The following DGKI variants were observed in gnomAD, a reference collection of about 807,000 sequenced individuals.
DGKI encodes diacylglycerol kinase iota.
A neutral mutation model predicts 147.5 loss-of-function variants in DGKI; 55 were observed. The observed-to-expected ratio is 0.37, with a 90% CI of 0.30 to 0.47. The LOEUF (loss-of-function observed/expected upper bound fraction) is 0.47. Among genes scored for constraint, DGKI ranks in the 20% least tolerant of loss-of-function variants. The pLI is 1.00. For missense variants in DGKI, 1,007 were observed against 1,323.8 expected (o/e 0.76, Z 3.71); for synonymous variants, 469 against 477.1 (o/e 0.98, Z 0.22).
At chr7:137,716,470 C>T (rs926861347) in intron 1 of DGKI, among the ~76,000 whole-genome samples, 2 of 152,148 alleles carry the variant, frequency 1.3e-5, no homozygotes, top group Non-Finnish European at 2.9e-5. Flanking sequence ...AGAAGACAGC[C>T]GGATCCAGAA....
intron 3 of DGKI, among the ~76,000 whole-genome samples, chr7:137,659,202 T>C (rs1302739656): frequency 6.6e-6 from 1 of 152,198 alleles, no homozygotes; most frequent in Admixed American, 6.5e-5. Context: ...GCTTTTAATC[T>C]GAGAAATCAG....
At chr7:137,601,020 C>T (rs1174885034) in intron 10 of DGKI, among the ~76,000 whole-genome samples, 1 of 152,072 alleles carries the variant, frequency 6.6e-6, no homozygotes, top group African/African-American at 2.4e-5. Context: ...GCCTGTAATC[C>T]CAGCACCTTG....
intron 20 of DGKI, among the ~76,000 whole-genome samples, chr7:137,545,269 G>A (rs1267153416): frequency 2.6e-5 from 4 of 152,124 alleles, no homozygotes; most frequent in Admixed American, 2.0e-4. Context: ...ATGTGATATG[G>A]AGAAAACAAA....
chr7:137,502,568 G>A (rs1049329421), intron 21 of DGKI, among the ~76,000 whole-genome samples: 4 of 150,620 alleles, frequency 2.7e-5, no homozygotes, highest in Admixed American at 6.6e-5. Context: ...GGAAGGGAGG[G>A]CAAGGAGGAA....
chr7:137,431,507 T>C (rs754193285), intron 28 of DGKI, among the ~76,000 whole-genome samples: 6 of 152,164 alleles, frequency 3.9e-5, no homozygotes, highest in Non-Finnish European at 7.4e-5. Context: ...TTAGTGTTTT[T>C]CAAAAAGTGG....
At chr7:137,441,521 C>T (rs1430481161) in intron 28 of DGKI, among the ~76,000 whole-genome samples, 1 of 151,610 alleles carries the variant, frequency 6.6e-6, no homozygotes, top group Non-Finnish European at 1.5e-5. Context: ...TGATTAGCTC[C>T]ATTTTACAGA....
At chr7:137,842,004 T>C (rs970159909) in intron 1 of DGKI, among the ~76,000 whole-genome samples, 1 of 152,216 alleles carries the variant, frequency 6.6e-6, no homozygotes, top group Non-Finnish European at 1.5e-5. Context: ...GTGGTTGAAT[T>C]GAAATCTTGC....
chr7:137,468,612 T>A (rs1245974549), intron 24 of DGKI, among the ~76,000 whole-genome samples: 1 of 152,152 alleles, frequency 6.6e-6, no homozygotes, highest in African/African-American at 2.4e-5. Context: ...ACTAGAAAAA[T>A]ATATATATGG....
At chr7:137,395,289 TC>T (rs1811507942) in intron 32 of DGKI, among the ~76,000 whole-genome samples, 1 of 152,158 alleles carries the variant, frequency 6.6e-6, no homozygotes, top group South Asian at 2.1e-4. Context: ...CTGACCCCTC[TC>T]CTTGGGCTTC....
At chr7:137,508,694 G>T (rs1032868283) in intron 21 of DGKI, among the ~76,000 whole-genome samples, 1 of 152,062 alleles carries the variant, frequency 6.6e-6, no homozygotes, top group Non-Finnish European at 1.5e-5. Flanking sequence ...CCAGGAGCTA[G>T]AAGTCATTTT....
intron 19 of DGKI, among the ~76,000 whole-genome samples, chr7:137,558,985 A>G (rs1438929369): frequency 1.4e-5 from 2 of 147,628 alleles, no homozygotes; most frequent in East Asian, 4.0e-4. Flanking sequence ...GTTTCCTCAT[A>G]TGTAAAGTGA....
At chr7:137,689,764 T>C in intron 2 of DGKI, 130 bp downstream of exon 2, 1 of 530,058 alleles carries the variant, frequency 1.9e-6, no homozygotes, top group Non-Finnish European at 3.2e-6. Context: ...AGCTAAGGTA[T>C]CTGAGGACAG....
chr7:137,427,807 T>C (rs1312118742), intron 28 of DGKI, among the ~76,000 whole-genome samples: 8 of 152,174 alleles, frequency 5.3e-5, no homozygotes, highest in African/African-American at 1.9e-4. Flanking sequence ...CTAGAAGAAA[T>C]GGACAAATTC....
chr7:137,428,982 G>T (rs1367048428), intron 28 of DGKI, among the ~76,000 whole-genome samples: 3 of 151,976 alleles, frequency 2.0e-5, no homozygotes, highest in Admixed American at 2.0e-4. Flanking sequence ...ACTGCCCAAG[G>T]TAATTTATAG....
chr7:137,411,167 C>T (rs1488068876), intron 29 of DGKI, among the ~76,000 whole-genome samples: 1 of 152,216 alleles, frequency 6.6e-6, no homozygotes, highest in East Asian at 1.9e-4. Flanking sequence ...CCTCACTCCA[C>T]AGGCTGAGGA....
intron 1 of DGKI, among the ~76,000 whole-genome samples, chr7:137,767,528 A>AAGAGAAGAGAAGAGT (rs1563188462): frequency 7.2e-5 from 10 of 139,268 alleles, no homozygotes; most frequent in Non-Finnish European, 1.3e-4. Context: ...AAGAGAAGAG[A>AAGAGAAGAGAAGAGT]AGAGTAGAGT....
chr7:137,413,062 G>A (rs1169662955), intron 28 of DGKI, among the ~76,000 whole-genome samples: 1 of 152,056 alleles, frequency 6.6e-6, no homozygotes, highest in Non-Finnish European at 1.5e-5. Context: ...TTGAGGTCAG[G>A]AGTTCAAGAC....
At chr7:137,805,296 A>G (rs1401803857) in intron 1 of DGKI, among the ~76,000 whole-genome samples, 1 of 152,224 alleles carries the variant, frequency 6.6e-6, no homozygotes, top group Non-Finnish European at 1.5e-5. Context: ...TGAGCATGAC[A>G]GTGTTCTCCT....
At chr7:137,596,983 A>C (rs530673172) in intron 12 of DGKI, among the ~76,000 whole-genome samples, 2 of 152,336 alleles carry the variant, frequency 1.3e-5, no homozygotes, top group South Asian at 4.1e-4. Flanking sequence ...AACACAATCT[A>C]AATGTCATGA....
Sources: gnomAD v4.1 joint callset for allele counts (sites outside exome capture counted in the v4.1 genomes callset) on GRCh38, gnomAD v4.1.1 for gene constraint, MANE v1.5 for transcripts, NCBI Gene and HGNC (gene_info 2026-07-23, HGNC 2026-07-21) for gene names.